CEP162: variants seen among roughly 807,000 people sequenced by gnomAD.
CEP162 encodes the protein centrosomal protein 162.
In CEP162, 141 loss-of-function variants were observed where a neutral mutation model predicts 169.2. The ratio of observed to expected loss-of-function variants is 0.83; its 90% CI spans 0.73 to 0.96. The LOEUF is 0.96. CEP162 is among the 40% of genes least tolerant of loss of function. The pLI, the probability that CEP162 is intolerant of heterozygous loss-of-function variation, is 0.00. For synonymous variants in CEP162, 540 were observed against 526.4 expected (o/e 1.03, Z -0.35); for missense variants, 1,600 against 1,587.2 (o/e 1.01, Z -0.14).
chr6:84,206,451 C>CA, intron 6 of CEP162, among the ~76,000 whole-genome samples: 2 of 152,084 alleles, frequency 1.3e-5, no homozygotes, highest in East Asian at 3.9e-4. Flanking sequence ...ACAAACCTGA[C>CA]AAAAATAAGA....
At chr6:84,151,383 A>G (rs1250128266) in intron 23 of CEP162, among the ~76,000 whole-genome samples, 1 of 152,102 alleles carries the variant, frequency 6.6e-6, no homozygotes, top group African/African-American at 2.4e-5. Context: ...CCAAGGAATA[A>G]CAGAGATAAA....
Position 84,200,730 on chromosome 6 carries a change from C to A in CEP162, c.835+59G>T. On this transcript the variant is annotated intron_variant, in intron 9 of 26. Coordinates refer to ENST00000403245, the MANE Select transcript of CEP162 (RefSeq NM_014895.4). ...ATATATATTTCCTTAGAAATGTAGTCATATTAGTCATAAAGCATTCCATAT... is the reference window on the plus strand; with the variant it reads ...ATATATATTTCCTTAGAAATGTAGTAATATTAGTCATAAAGCATTCCATAT... The A allele has an allele frequency of 3.9e-6, 3 of 769,356 alleles. No homozygotes were observed. In the South Asian group the frequency reaches 4.7e-5, roughly 12 times the overall value. The allele number at this position is 769,356 out of a possible 1,614,324, so 47.7% of individuals were successfully genotyped here.
chr6:84,201,624 C>T (rs1562077259), intron 8 of CEP162, 113 bp downstream of exon 8: 1 of 611,654 alleles, frequency 1.6e-6, no homozygotes, highest in Non-Finnish European at 2.9e-6. Context: ...ACTTCAATGC[C>T]TTAGAAATAT....
In CEP162 at chr6:84,125,115, A is replaced by C. The variant is rs142256419; in HGVS notation, c.4167T>G (p.Val1389=). The C allele has an allele frequency of 6.8e-4, 1,096 of 1,613,412 alleles. 9 individuals carry two copies. In the African/African-American group the frequency reaches 0.013, roughly 20 times the overall value. Residue 1389 remains valine, a synonymous_variant, in exon 27 of 27, where the codon GTT becomes GTG. Coordinates refer to ENST00000403245, the MANE Select transcript of CEP162 (RefSeq NM_014895.4). ...TTTCATCTGCAAAAGCAACTGGCAC[A>C]ACCACTCCTTGCCGGTGCAGCTCTC... is the stretch of plus-strand genomic sequence containing the variant. ...VLRELHRQGV[V]VPVAFADEMN... is the part of the protein sequence containing the mutation.
intron 5 of CEP162, 67 bp from the exon 6 acceptor site, chr6:84,213,091 T>C: frequency 3.2e-6 from 3 of 936,920 alleles, no homozygotes; most frequent in Non-Finnish European, 4.8e-6. Context: ...ACTCTTTCTG[T>C]ATACCGTTTT....
intron 6 of CEP162, among the ~76,000 whole-genome samples, chr6:84,207,331 A>G (rs534856063): frequency 8.7e-4 from 132 of 152,304 alleles, no homozygotes; most frequent in Middle Eastern, 3.4e-3. Context: ...ATGTCCATCA[A>G]TGATAGACTG....
intron 11 of CEP162, among the ~76,000 whole-genome samples, chr6:84,187,773 T>C (rs1219946231): frequency 6.6e-6 from 1 of 152,164 alleles, no homozygotes; most frequent in Admixed American, 6.5e-5. Flanking sequence ...GCAGACCACA[T>C]GCCAGCCGAC....
At position 84,160,865 on chromosome 6, in the gene CEP162, G is replaced by A. The variant is rs139636206; in HGVS notation, c.2728C>T (p.Arg910Cys). ...GCATCTGCTGCTTTATCTTTTAAGC[G>A]TATCTTCTGCCGAATAGATGGATTC... ...SGNPSIRQKI[R>C]LKDKAADAKK... is the part of the protein sequence containing the mutation. The change falls in exon 21 of 27, where the codon CGC becomes TGC. Residue 910 changes from arginine to cysteine, a missense_variant. Arg to Cys is a radical substitution (Grantham distance 180). Coordinates refer to ENST00000403245, the MANE Select transcript of CEP162 (RefSeq NM_014895.4). 151 of 1,612,730 alleles carry A rather than the reference G, an allele frequency of 9.4e-5. No homozygotes were observed. In the East Asian group the frequency reaches 2.2e-3, roughly 24 times the overall value.
chr6:84,213,084 CTT>C, intron 5 of CEP162, 60 bp from the exon 6 acceptor site: 1 of 1,003,144 alleles, frequency 1.0e-6, no homozygotes, highest in Non-Finnish European at 1.5e-6. Context: ...TCATGCAACT[CTT>C]TCTGTATACC....
intron 11 of CEP162, among the ~76,000 whole-genome samples, chr6:84,188,391 C>T (rs1312799800): frequency 6.6e-6 from 1 of 152,126 alleles, no homozygotes; most frequent in Non-Finnish European, 1.5e-5. Context: ...TCCTCCCAAC[C>T]TCTCAAGTAG....
At chr6:84,147,333 G>C (rs1000035564) in intron 24 of CEP162, among the ~76,000 whole-genome samples, 2 of 152,070 alleles carry the variant, frequency 1.3e-5, no homozygotes. Flanking sequence ...AGATGGGAGT[G>C]GGGGGTTGGG....
At chr6:84,163,520 A>G (rs1219704472) in intron 18 of CEP162, among the ~76,000 whole-genome samples, 1 of 151,896 alleles carries the variant, frequency 6.6e-6, no homozygotes, top group Admixed American at 6.6e-5. Context: ...TCTTCCATAT[A>G]CTAACCATAT....
chr6:84,187,924 T>C (rs2099537940), intron 11 of CEP162, among the ~76,000 whole-genome samples: 1 of 152,162 alleles, frequency 6.6e-6, no homozygotes, highest in Non-Finnish European at 1.5e-5. Flanking sequence ...TTAAAGAGAA[T>C]AGAAGGAATC....
chr6:84,182,657 C>G (rs1374581753), intron 13 of CEP162, among the ~76,000 whole-genome samples: 1 of 152,132 alleles, frequency 6.6e-6, no homozygotes, highest in East Asian at 1.9e-4. Flanking sequence ...ACCTTTCACC[C>G]TACCTCATGG....
In CEP162 at chr6:84,174,161, TTTTG is replaced by T; in HGVS notation, c.2049_2052del (p.Asn683LysfsTer20). 6.2e-6 allele frequency: 10 copies of T among 1,607,168 alleles called. No individual in the cohort carries two copies. Among genetic ancestry groups the T allele is most frequent in the Non-Finnish European group, 8.5e-6 (10 of 1,176,348 alleles). On this transcript the variant is annotated frameshift_variant, in exon 16 of 27. Transcript: ENST00000403245. LOFTEE classifies it high-confidence loss of function. ...TCTCCAAAATGTAACCACCTTTGTT[TTTTG>T]TTTGTTTCTTCAAAGCTGCTTAACT...
chr6:84,191,214 T>C (rs147316585), intron 11 of CEP162, among the ~76,000 whole-genome samples: 3 of 151,028 alleles, frequency 2.0e-5, no homozygotes, highest in African/African-American at 7.3e-5. Flanking sequence ...AAGCTACCTG[T>C]GGGCAGGAAG....
At chr6:84,193,356 G>A (rs1402253423) in intron 11 of CEP162, among the ~76,000 whole-genome samples, 2 of 152,178 alleles carry the variant, frequency 1.3e-5, no homozygotes, top group African/African-American at 4.8e-5. Flanking sequence ...TTAAAGCTGA[G>A]GAGACTGTAT....
intron 25 of CEP162, among the ~76,000 whole-genome samples, chr6:84,134,138 G>C (rs569799829): frequency 2.0e-5 from 3 of 152,308 alleles, no homozygotes; most frequent in Non-Finnish European, 1.5e-5. Context: ...CGAACTTCCT[G>C]TAGGCTTTGT....
intron 22 of CEP162, among the ~76,000 whole-genome samples, chr6:84,154,883 C>T (rs1562020601): frequency 6.6e-6 from 1 of 152,118 alleles, no homozygotes. Context: ...CTGGAAGATG[C>T]TCCCCTACCC....
Sources: gnomAD v4.1 joint callset for allele counts (sites outside exome capture counted in the v4.1 genomes callset) on GRCh38, gnomAD v4.1.1 for gene constraint, MANE v1.5 for transcripts, NCBI Gene and HGNC (gene_info 2026-07-23, HGNC 2026-07-21) for gene names.